The following INPP5K variants were observed in gnomAD, a reference collection of about 807,000 sequenced individuals.
INPP5K encodes inositol polyphosphate-5-phosphatase K.
In INPP5K, 35 loss-of-function variants were observed where a neutral mutation model predicts 53.5. The ratio of observed to expected loss-of-function variants is 0.65; its 90% CI spans 0.50 to 0.87. The LOEUF is 0.87. INPP5K is among the 40% of genes least tolerant of loss of function. The pLI, the probability that INPP5K is intolerant of heterozygous loss-of-function variation, is 0.00. For missense variants in INPP5K, 550 were observed against 586.2 expected, an observed-to-expected ratio of 0.94 and a Z score of 0.64; for synonymous variants, 253 against 232.8, an observed-to-expected ratio of 1.09 and a Z score of -0.79.
At chr17:1,498,177 T>G in intron 7 of INPP5K, 55 bp from the exon 8 acceptor site, 1 of 1,480,428 alleles carries the variant, frequency 6.8e-7, no homozygotes, top group Non-Finnish European at 9.2e-7. Context: ...AAGGGTTGGC[T>G]AAGAGCAGAA....
intron 7 of INPP5K, among the ~76,000 whole-genome samples, chr17:1,504,478 G>C (rs965757601): frequency 4.2e-4 from 64 of 152,204 alleles, no homozygotes; most frequent in African/African-American, 1.5e-3. Context: ...CCCCAGCCAG[G>C]AGTATTTCAG....
chr17:1,515,605 A>T (rs1023135045), intron 1 of INPP5K: 1 of 985,396 alleles, frequency 1.0e-6, no homozygotes, highest in Admixed American at 6.1e-5. Flanking sequence ...CAGAGGGTAC[A>T]GGGGGATGGG....
chr17:1,496,647 T>G lies in INPP5K; in HGVS notation c.1101+19A>C. 1 of 1,613,476 alleles carries G rather than the reference T, an allele frequency of 6.2e-7. No individual in the cohort carries two copies. Among genetic ancestry groups the G allele is most frequent in the East Asian group, 2.2e-5 (1 of 44,864 alleles). On this transcript the variant is annotated intron_variant, in intron 9 of 11. Coordinates refer to ENST00000421807, the MANE Select transcript of INPP5K (RefSeq NM_016532.4). ...CAGGGGCTGTCGCTGATGGACTTCC[T>G]GCCTTGCCACCACATCACCTTGTAC...
intron 6 of INPP5K, chr17:1,507,811 C>A: frequency 4.4e-6 from 1 of 226,666 alleles, no homozygotes; most frequent in South Asian, 7.5e-5. Flanking sequence ...TCCCAGAGTG[C>A]TGGAATTACA....
At chr17:1,511,549 A>G (rs1192708383) in intron 3 of INPP5K, among the ~76,000 whole-genome samples, 1 of 152,190 alleles carries the variant, frequency 6.6e-6, no homozygotes, top group Non-Finnish European at 1.5e-5. Context: ...GCGGAGTCGA[A>G]GCAGGGGGAA....
chr17:1,516,440 G>A lies in INPP5K; in HGVS notation c.44+16C>T. ...CCCCCCGAGCAGGCCTGCCTCTGCC[G>A]CCAGGGTGCCCTCACCTGAGCCTCC... On this transcript the variant is annotated intron_variant, in intron 1 of 11. Coordinates refer to ENST00000421807, the MANE Select transcript of INPP5K (RefSeq NM_016532.4). 6.3e-7 allele frequency: 1 copy of A among 1,589,404 alleles called. No individual in the cohort carries two copies. Among genetic ancestry groups the A allele is most frequent in the South Asian group, 1.1e-5 (1 of 89,688 alleles).
rs755658328 is a variant in INPP5K, at chr17:1,516,410, C to T, written c.44+46G>A. The T allele has an allele frequency of 3.0e-5, 46 of 1,557,556 alleles. 1 individual carries two copies. In the South Asian group the frequency reaches 3.8e-4, roughly 13 times the overall value. Reference sequence around the variant, plus strand: ...CCCCCAGCCCGCAGCCCAAGGGGCGCCGATCCCCCCGAGCAGGCCTGCCTC... The same window carrying T: ...CCCCCAGCCCGCAGCCCAAGGGGCGTCGATCCCCCCGAGCAGGCCTGCCTC... On this transcript the variant is annotated intron_variant, in intron 1 of 11. Transcript: ENST00000421807.
intron 6 of INPP5K, chr17:1,507,679 T>A (rs1299450942): frequency 6.3e-6 from 1 of 159,064 alleles, no homozygotes; most frequent in Non-Finnish European, 1.4e-5. Flanking sequence ...TAGCTGGGAT[T>A]ACAGGCACGT....
chr17:1,502,167 G>A (rs376522052), intron 7 of INPP5K, among the ~76,000 whole-genome samples: 8,167 of 151,560 alleles, frequency 0.054, 263 homozygotes, highest in Middle Eastern at 0.13. Flanking sequence ...GGCTAACATG[G>A]TGAAACCCCG....
Position 1,516,461 on chromosome 17 carries a change from C to T in INPP5K, c.39G>A (p.Arg13=). ...TGCCGCCAGGGTGCCCTCACCTGAG[C>T]CTCCTGCCTTTCGGCCCGCTCAGCT... ...SRKLSGPKGR[R]LSIHVVTWNV... Residue 13 remains arginine (R), a synonymous_variant, in exon 1 of 12, where the codon AGG becomes AGA. Coordinates refer to ENST00000421807, the MANE Select transcript of INPP5K (RefSeq NM_016532.4). 1.9e-6 allele frequency: 3 copies of T among 1,591,410 alleles called. No homozygotes were observed. Among genetic ancestry groups the T allele is most frequent in the Non-Finnish European group, 2.5e-6 (3 of 1,176,874 alleles).
chr17:1,515,838 G>A, intron 1 of INPP5K: 3 of 892,588 alleles, frequency 3.4e-6, no homozygotes, highest in Non-Finnish European at 4.0e-6. Context: ...TCCGACAGAG[G>A]CTTAAGGAAC....
chr17:1,498,967 A>G (rs1165901191), intron 7 of INPP5K, among the ~76,000 whole-genome samples: 10 of 152,114 alleles, frequency 6.6e-5, no homozygotes, highest in Admixed American at 6.6e-4. Flanking sequence ...TCCCAAAGTC[A>G]CAAGGTACTA....
At chr17:1,502,620 A>G (rs1328093323) in intron 7 of INPP5K, among the ~76,000 whole-genome samples, 1 of 150,134 alleles carries the variant, frequency 6.7e-6, no homozygotes, top group Non-Finnish European at 1.5e-5. Context: ...GTGCCCCGCA[A>G]CTGGGGATAT....
rs947343717 is a variant in INPP5K, at chr17:1,516,388, C to G, written c.44+68G>C. 3 of 1,503,890 alleles carry G rather than the reference C, an allele frequency of 2.0e-6. No homozygotes were observed. The South Asian group carries it at 3.6e-5, about 18-fold the overall frequency. 93.2% of individuals were successfully genotyped at this position (1,503,890 alleles called of 1,614,324 possible). A position where few individuals can be genotyped will look rare whatever the true frequency, so the allele number is the denominator to read the frequency against. On this transcript the variant is annotated intron_variant, in intron 1 of 11. Coordinates refer to ENST00000421807, the MANE Select transcript of INPP5K (RefSeq NM_016532.4). ...TGGAGGTCTGGTGCCTTGTCCACCC[C>G]CAGCCCGCAGCCCAAGGGGCGCCGA...
At chr17:1,499,780 T>G (rs1567549812) in intron 7 of INPP5K, among the ~76,000 whole-genome samples, 1 of 152,186 alleles carries the variant, frequency 6.6e-6, no homozygotes, top group Non-Finnish European at 1.5e-5. Context: ...CAGCTGCGGT[T>G]TCTGGGTTCC....
intron 7 of INPP5K, 80 bp from the exon 8 acceptor site, chr17:1,498,202 G>T: frequency 8.0e-7 from 1 of 1,249,442 alleles, no homozygotes; most frequent in Non-Finnish European, 1.1e-6. Context: ...GCCCACATGA[G>T]CTTGCTGGAG....
intron 3 of INPP5K, 80 bp downstream of exon 3, chr17:1,513,373 G>T: frequency 1.9e-6 from 2 of 1,066,456 alleles, no homozygotes; most frequent in Non-Finnish European, 1.5e-6. Context: ...GGAGTAAGAG[G>T]AACACATCAG....
At chr17:1,508,892 G>GTCCAGGATGTTTGGGATGT (rs2075232061) in intron 5 of INPP5K, 1 of 327,792 alleles carries the variant, frequency 3.1e-6, no homozygotes. Context: ...CTCACTCGTG[G>GTCCAGGATGTTTGGGATGT]CGGTCAGCGT....
At position 1,496,816 on chromosome 17, in the gene INPP5K, G is replaced by A. The variant is rs779735153; in HGVS notation, c.964-13C>T. The A allele has an allele frequency of 9.9e-6, 16 of 1,613,158 alleles. 1 individual carries two copies. In the Admixed American group the frequency reaches 2.5e-4, roughly 25 times the overall value. On this transcript the variant is annotated splice_polypyrimidine_tract_variant and intron_variant, in intron 8 of 11. Coordinates refer to ENST00000421807, the MANE Select transcript of INPP5K (RefSeq NM_016532.4). ...CCAATGGCTTCAGCTAGACACGGGGGTGGGAAGGGGGCTGAATCTCGCAGC... is the reference window on the plus strand; with the variant it reads ...CCAATGGCTTCAGCTAGACACGGGGATGGGAAGGGGGCTGAATCTCGCAGC...
Sources: gnomAD v4.1 joint callset for allele counts (sites outside exome capture counted in the v4.1 genomes callset) on GRCh38, gnomAD v4.1.1 for gene constraint, MANE v1.5 for transcripts, NCBI Gene and HGNC (gene_info 2026-07-23, HGNC 2026-07-21) for gene names.